Variants in ADGRB2 observed in about 807,000 individuals in gnomAD.
The protein encoded by ADGRB2 is brain-specific angiogenesis inhibitor 2.
In ADGRB2, 47 loss-of-function variants were observed where a neutral mutation model predicts 178.7. That is an observed-to-expected ratio of 0.26 (90% confidence interval 0.21 to 0.34). The LOEUF is 0.34. Ranked by LOEUF, ADGRB2 falls within the 10% of genes least tolerant of loss-of-function variation. ADGRB2 has a pLI of 1.00. For missense variants in ADGRB2, 1,584 were observed against 2,180.8 expected (o/e 0.73, Z 5.45); for synonymous variants, 870 against 912.4 (o/e 0.95, Z 0.84).
chr1:31,763,572 A>C (rs1305143249), intron 1 of ADGRB2, among the ~76,000 whole-genome samples: 2 of 138,042 alleles, frequency 1.4e-5, no homozygotes, highest in African/African-American at 5.4e-5. Context: ...CGAGACAGCA[A>C]GCACGGTCTG....
In ADGRB2 at chr1:31,727,829, C is replaced by T; in HGVS notation, c.4572+196G>A. Reference sequence around the variant, plus strand: ...ATGTCTCCTGCTGACCACTCTCCCTCCCAATCCTGGAGGACCTCCACCCCT... The same window carrying T: ...ATGTCTCCTGCTGACCACTCTCCCTTCCAATCCTGGAGGACCTCCACCCCT... On this transcript the variant is annotated intron_variant, in intron 32 of 32. Coordinates refer to ENST00000373658, the MANE Select transcript of ADGRB2 (RefSeq NM_001364857.2). The surrounding 1 kb of genome is among the most constrained non-coding windows in gnomAD (Gnocchi z 4.4). 1 of 896,082 alleles carries T rather than the reference C, an allele frequency of 1.1e-6. No homozygotes were observed. Among genetic ancestry groups the T allele is most frequent in the Admixed American group, 2.9e-5 (1 of 34,270 alleles). The allele number at this position is 896,082 out of a possible 1,614,324, so 55.5% of individuals were successfully genotyped here. A position where few individuals can be genotyped will look rare whatever the true frequency, so the allele number is the denominator to read the frequency against.
Position 31,764,069 on chromosome 1 carries a change from G to C in ADGRB2, c.-376C>G. The C allele has an allele frequency of 2.1e-6, 2 of 940,110 alleles. No homozygotes were observed. The highest frequency in any genetic ancestry group is 2.5e-6 in the Non-Finnish European group (2 of 793,424). The allele number at this position is 940,110 out of a possible 1,614,324, so 58.2% of individuals were successfully genotyped here. On this transcript the variant is annotated 5_prime_UTR_variant, in exon 1 of 33. Coordinates refer to ENST00000373658, the MANE Select transcript of ADGRB2 (RefSeq NM_001364857.2). The surrounding 1 kb of genome is among the most constrained non-coding windows in gnomAD (Gnocchi z 7.3). Reference sequence around the variant, plus strand: ...AAAAGGCGCCGCGGAGCAGCGCGGGGCGGGCGGGCGGGCGGCGCCGGGCCG... The same window carrying C: ...AAAAGGCGCCGCGGAGCAGCGCGGGCCGGGCGGGCGGGCGGCGCCGGGCCG...
rs779610152 is a variant in ADGRB2 at position 31,731,033 on chromosome 1, G to T, written c.4147C>A (p.Arg1383=). The T allele has an allele frequency of 1.3e-6, 2 of 1,583,052 alleles. No individual in the cohort carries two copies. The highest frequency in any genetic ancestry group is 2.7e-5 in the African/African-American group (2 of 74,244). ...APRARPEGTP[R]RAAKTVAHTE... ...TGGGCCACTGTCTTGGCAGCTCGCC[G>T]GGGGGTCCCCTCCGGCCGGGCCCTG... The change falls in exon 29 of 33, where the codon CGG becomes AGG. Residue 1383 remains arginine (R), a synonymous_variant. Coordinates refer to ENST00000373658, the MANE Select transcript of ADGRB2 (RefSeq NM_001364857.2).
rs1332250048 is a variant in ADGRB2 at position 31,756,143 on chromosome 1, C to T, written c.694G>A (p.Gly232Ser). 6.8e-6 allele frequency: 11 copies of T among 1,612,582 alleles called. No homozygotes were observed. The highest frequency in any genetic ancestry group is 4.0e-5 in the African/African-American group (3 of 74,906). The change falls in exon 4 of 33, where the codon GGC becomes AGC. Residue 232 changes from glycine to serine, a missense_variant. Gly to Ser is a moderately conservative substitution (Grantham distance 56, BLOSUM62 0). Coordinates refer to ENST00000373658, the MANE Select transcript of ADGRB2 (RefSeq NM_001364857.2). The surrounding 1 kb of genome is among the most constrained non-coding windows in gnomAD (Gnocchi z 8.5). ...CCTGGAGATGTGGTGGTGGTGGAGC[C>T]GGCCCCCGCCTCTCCAGGGCAGCTG... Reference protein sequence around the residue: ...GCSCPGEAGAGSTTTTSPGPP... With the variant: ...GCSCPGEAGASSTTTTSPGPP...
In ADGRB2 at chr1:31,764,119, C is replaced by A. The variant is rs1221050659; in HGVS notation, c.-426G>T. 1 of 916,260 alleles carries A rather than the reference C, an allele frequency of 1.1e-6. No individual in the cohort carries two copies. Among genetic ancestry groups the A allele is most frequent in the African/African-American group, 1.8e-5 (1 of 54,770 alleles). 56.8% of individuals were successfully genotyped at this position (916,260 alleles called of 1,614,324 possible). A position where few individuals can be genotyped will look rare whatever the true frequency, so the allele number is the denominator to read the frequency against. On this transcript the variant is annotated 5_prime_UTR_variant, in exon 1 of 33. Transcript: ENST00000373658. The surrounding 1 kb of genome is among the most constrained non-coding windows in gnomAD (Gnocchi z 7.3). ...GGGCGCGGGCTCCTGCCGCCGCCGC[C>A]GCCGCCGCCTCCTTGCCGCGCCGCC...
At position 31,739,448 on chromosome 1, in the gene ADGRB2, C is replaced by T; in HGVS notation, c.2355G>A (p.Arg785=). 1 of 1,599,510 alleles carries T rather than the reference C, an allele frequency of 6.3e-7. No homozygotes were observed. The highest frequency in any genetic ancestry group is 1.3e-5 in the African/African-American group (1 of 74,684). Residue 785 remains arginine, a synonymous_variant, in exon 15 of 33, where the codon AGG becomes AGA. Transcript: ENST00000373658. ...ATSGAAGSPG[R]GRGPGTVPPG... is the part of the protein sequence containing the mutation. Reference sequence around the variant, plus strand: ...GAGGCACCGTTCCTGGGCCCCTCCCCCTGCCAGGGCTGCCTGCTGCCCCAG... The same window carrying T: ...GAGGCACCGTTCCTGGGCCCCTCCCTCTGCCAGGGCTGCCTGCTGCCCCAG...
rs1049363078 is a variant in ADGRB2, at chr1:31,733,491, C to T, written c.3453-348G>A. Among the ~76,000 whole-genome samples the T allele has an allele frequency of 1.7e-4, 26 of 152,126 alleles. No homozygotes were observed. Among genetic ancestry groups the T allele is most frequent in the South Asian group, 8.3e-4 (4 of 4,830 alleles). ...ACCTGAGGAGCTTTTTAAAAATGCA[C>T]GGGGCCGGGACGGCATCCCCAGAGC... On this transcript the variant is annotated intron_variant, in intron 25 of 32. Transcript: ENST00000373658. The surrounding 1 kb of genome is among the most constrained non-coding windows in gnomAD (Gnocchi z 4.3).
intron 4 of ADGRB2, among the ~76,000 whole-genome samples, chr1:31,750,165 C>A (rs1438256756): frequency 1.3e-5 from 2 of 152,182 alleles, no homozygotes; most frequent in Non-Finnish European, 1.5e-5. Context: ...CCTAGACTGA[C>A]AATACAGTGG....
intron 15 of ADGRB2, 156 bp downstream of exon 15, chr1:31,739,152 T>C: frequency 1.1e-6 from 1 of 949,702 alleles, no homozygotes; most frequent in Non-Finnish European, 1.5e-6. Context: ...TATGGATAAA[T>C]TTGAGAAGCA....
At position 31,728,869 on chromosome 1, in the gene ADGRB2, T is replaced by C. The variant is rs967029244; in HGVS notation, c.4381-236A>G. 7.3e-6 allele frequency among the ~76,000 whole-genome samples: 1 copy of C among 137,286 alleles called. No homozygotes were observed. The highest frequency in any genetic ancestry group is 1.6e-5 in the Non-Finnish European group (1 of 61,910). 90.1% of individuals were successfully genotyped at this position (137,286 alleles called of 152,430 possible). On this transcript the variant is annotated intron_variant, in intron 29 of 32. Coordinates refer to ENST00000373658, the MANE Select transcript of ADGRB2 (RefSeq NM_001364857.2). This position sits in a 1 kb window ranked among gnomAD's most constrained non-coding sequence, Gnocchi z 6.7. ...ACACGTCAAATGGCATGGTGCGGAC[T>C]TCCAACATGACAGGCCCAGATGCCC...
Position 31,757,384 on chromosome 1 carries a change from G to T in ADGRB2, c.-63C>A. Reference sequence around the variant, plus strand: ...GGAACAATGTCATTCTCACTCACTTGCTTTACTGAGAGGGAGAGAAAGGGG... The same window carrying T: ...GGAACAATGTCATTCTCACTCACTTTCTTTACTGAGAGGGAGAGAAAGGGG... On this transcript the variant is annotated splice_region_variant and 5_prime_UTR_variant, in exon 2 of 33. Transcript: ENST00000373658. The T allele has an allele frequency of 1.1e-6, 1 of 930,502 alleles. No individual in the cohort carries two copies. Among genetic ancestry groups the T allele is most frequent in the South Asian group, 1.5e-5 (1 of 67,662 alleles). The allele number at this position is 930,502 out of a possible 1,614,324, so 57.6% of individuals were successfully genotyped here.
intron 7 of ADGRB2, 128 bp from the exon 8 acceptor site, chr1:31,742,345 G>T: frequency 7.7e-7 from 1 of 1,297,860 alleles, no homozygotes; most frequent in African/African-American, 1.5e-5. Flanking sequence ...ACCCACTGGA[G>T]TGGGGAGGGG....
chr1:31,743,071 C>T, intron 6 of ADGRB2, 69 bp from the exon 7 acceptor site: 2 of 1,341,448 alleles, frequency 1.5e-6, no homozygotes, highest in African/African-American at 3.1e-5. Context: ...GCCTGCCCAT[C>T]CGCCCACCAA....
At chr1:31,742,012 G>T (rs753183478) in intron 8 of ADGRB2, 41 bp downstream of exon 8, 9 of 1,587,242 alleles carry the variant, frequency 5.7e-6, no homozygotes, top group Non-Finnish European at 7.7e-6. Flanking sequence ...GTACCCCCAT[G>T]GTCAGAGCTG....
In ADGRB2 at chr1:31,735,175, C is replaced by T. The variant is rs907379266; in HGVS notation, c.3452+8G>A. On this transcript the variant is annotated splice_region_variant and intron_variant, in intron 25 of 32. Transcript: ENST00000373658. The surrounding 1 kb of genome is among the most constrained non-coding windows in gnomAD (Gnocchi z 6.0). Reference sequence around the variant, plus strand: ...CACCCCCACCGCCCCCCAGGGGGCACGACTAACATGGCGTTCCTGGCCGAG... The same window carrying T: ...CACCCCCACCGCCCCCCAGGGGGCATGACTAACATGGCGTTCCTGGCCGAG... 1.8e-5 allele frequency: 26 copies of T among 1,411,184 alleles called. No individual in the cohort carries two copies. The highest frequency in any genetic ancestry group is 2.4e-5 in the Non-Finnish European group (26 of 1,078,098). 87.4% of individuals were successfully genotyped at this position (1,411,184 alleles called of 1,614,324 possible).
chr1:31,739,797 C>G, intron 14 of ADGRB2, 129 bp downstream of exon 14: 1 of 1,186,832 alleles, frequency 8.4e-7, no homozygotes, highest in East Asian at 2.5e-5. Context: ...GAGAAACAGA[C>G]CACACATAGA....
Position 31,731,321 on chromosome 1 carries a change from C to G in ADGRB2, c.3859G>C (p.Val1287Leu). The G allele has an allele frequency of 6.2e-7, 1 of 1,612,732 alleles. No individual in the cohort carries two copies. Among genetic ancestry groups the G allele is most frequent in the Non-Finnish European group, 8.5e-7 (1 of 1,179,882 alleles). ...AAGCTGAGGCTGCCCTCAGGGCCCACGAGGCAGGACTTGGGCTCCTCATCC... is the reference window on the plus strand; with the variant it reads ...AAGCTGAGGCTGCCCTCAGGGCCCAGGAGGCAGGACTTGGGCTCCTCATCC... ...DEDEEPKSCL[V>L]GPEGSLSFSP... The change falls in exon 29 of 33, where the codon GTG (valine) becomes CTG (leucine). Residue 1287 changes from valine (V) to leucine (L), a missense_variant. Transcript: ENST00000373658.
Position 31,728,022 on chromosome 1 carries a change from C to CA in ADGRB2, c.4572+2dup. The CA allele has an allele frequency of 6.4e-7, 1 of 1,561,878 alleles. No individual in the cohort carries two copies. Among genetic ancestry groups the CA allele is most frequent in the Non-Finnish European group, 8.6e-7 (1 of 1,158,256 alleles). On this transcript the variant is annotated splice_region_variant and intron_variant, in intron 32 of 32. Transcript: ENST00000373658. This position sits in a 1 kb window ranked among gnomAD's most constrained non-coding sequence, Gnocchi z 6.7. The stretch of plus-strand genomic sequence containing the variant: ...TCACCCCACCCAGCCCGGGGGGACT[C>CA]ACGGTGCACACGCTCCGCTCGGCTG...
In ADGRB2 at chr1:31,728,266, G is replaced by T. The variant is rs754839412; in HGVS notation, c.4431C>A (p.Thr1477=). ...SDLDFEKVMH[T]RKRHSELYHE... ...GGTAGAGTTCTGAATGCCGTTTCCG[G>T]GTGTGCATCACCTTCTAGGGGCCAC... is the stretch of plus-strand genomic sequence containing the variant. The change falls in exon 31 of 33, where the codon ACC becomes ACA. Residue 1477 remains threonine (T), a synonymous_variant. Transcript: ENST00000373658. This position sits in a 1 kb window ranked among gnomAD's most constrained non-coding sequence, Gnocchi z 6.7. 6.2e-7 allele frequency: 1 copy of T among 1,613,946 alleles called. No homozygotes were observed. The highest frequency in any genetic ancestry group is 8.5e-7 in the Non-Finnish European group (1 of 1,179,992).
Sources: gnomAD v4.1 joint callset for allele counts (sites outside exome capture counted in the v4.1 genomes callset) on GRCh38, gnomAD v4.1.1 for gene constraint, Gnocchi (gnomAD v3.1) non-coding constraint, MANE v1.5 for transcripts, NCBI Gene and HGNC (gene_info 2026-07-23, HGNC 2026-07-21) for gene names.